The following TERF2 variants were observed in gnomAD, a reference collection of about 807,000 sequenced individuals.
TERF2 encodes telomeric repeat binding factor 2, also known as telomeric repeat-binding factor 2.
A neutral mutation model predicts 56.1 loss-of-function variants in TERF2; 16 were observed. The ratio of observed to expected loss-of-function variants is 0.29; its 90% CI spans 0.19 to 0.43. The LOEUF is 0.43. TERF2 is among the 20% of genes least tolerant of loss of function. The pLI is 1.00. For missense variants in TERF2, 547 were observed against 712.9 expected, an observed-to-expected ratio of 0.77 and a Z score of 2.65; for synonymous variants, 296 against 282.1, an observed-to-expected ratio of 1.05 and a Z score of -0.50.
At chr16:69,381,509 T>G (rs967133529) in intron 3 of TERF2, among the ~76,000 whole-genome samples, 2 of 151,888 alleles carry the variant, frequency 1.3e-5, no homozygotes, top group African/African-American at 4.8e-5. Flanking sequence ...TGACAGGGTC[T>G]TCACTCTGTC....
At chr16:69,378,666 G>A (rs1311598050) in intron 3 of TERF2, among the ~76,000 whole-genome samples, 2 of 152,082 alleles carry the variant, frequency 1.3e-5, no homozygotes, top group Non-Finnish European at 2.9e-5. Flanking sequence ...TCACTGGTTT[G>A]GTGGAACTTC....
chr16:69,382,741 T>C (rs2014049879), intron 3 of TERF2, among the ~76,000 whole-genome samples: 1 of 152,194 alleles, frequency 6.6e-6, no homozygotes, highest in South Asian at 2.1e-4. Flanking sequence ...AACAACTATG[T>C]GAGTAGGGAA....
intron 3 of TERF2, among the ~76,000 whole-genome samples, chr16:69,379,423 A>T (rs1286906675): frequency 6.6e-6 from 1 of 152,202 alleles, no homozygotes; most frequent in Non-Finnish European, 1.5e-5. Flanking sequence ...GCAACATATA[A>T]ATGCTTCAAG....
At chr16:69,361,328 A>G in intron 8 of TERF2, 76 bp downstream of exon 8, 1 of 1,034,192 alleles carries the variant, frequency 9.7e-7, no homozygotes, top group East Asian at 2.4e-5. Flanking sequence ...CAGCTTCTGG[A>G]ATATTAACAT....
intron 8 of TERF2, among the ~76,000 whole-genome samples, chr16:69,358,661 C>T (rs572242797): frequency 6.6e-5 from 10 of 152,268 alleles, no homozygotes; most frequent in Admixed American, 5.2e-4. Context: ...AGGCTCTAGC[C>T]TGCAACTTCT....
At chr16:69,360,550 A>C (rs565576565) in intron 8 of TERF2, among the ~76,000 whole-genome samples, 5 of 151,892 alleles carry the variant, frequency 3.3e-5, no homozygotes, top group Non-Finnish European at 7.4e-5. Context: ...CTAAAAATAC[A>C]AAAAAAGATT....
intron 5 of TERF2, chr16:69,370,251 G>C (rs576994298): frequency 4.0e-6 from 2 of 502,434 alleles, no homozygotes; most frequent in East Asian, 3.1e-5. Context: ...GGCAGGTCTC[G>C]AACTCCTGAC....
At chr16:69,378,754 C>G (rs1027024993) in intron 3 of TERF2, among the ~76,000 whole-genome samples, 1 of 152,128 alleles carries the variant, frequency 6.6e-6, no homozygotes, top group South Asian at 2.1e-4. Context: ...CTGTCCAAGA[C>G]TTATAATTAC....
chr16:69,382,525 G>C (rs1309105581), intron 3 of TERF2, among the ~76,000 whole-genome samples: 2 of 152,232 alleles, frequency 1.3e-5, no homozygotes, highest in African/African-American at 4.8e-5. Context: ...AGTCTAGTCT[G>C]TATGACCAAG....
rs78168341 is a variant in TERF2 at position 69,368,608 on chromosome 16, C to T, written c.841-126G>A. On this transcript the variant is annotated intron_variant, in intron 5 of 9. Transcript: ENST00000254942. ...TTACAAATCCAATCTAGGCATAAAA[C>T]GAAGGACATAAAATGGGAGAGAACT... 9.3e-4 allele frequency: 1,426 copies of T among 1,541,444 alleles called. 10 individuals carry two copies. In the African/African-American group the frequency reaches 0.017, roughly 19 times the overall value.
chr16:69,368,319 T>G lies in TERF2; in HGVS notation c.947+57A>C, dbSNP rs182157445. On this transcript the variant is annotated intron_variant, in intron 6 of 9. Coordinates refer to ENST00000254942, the MANE Select transcript of TERF2 (RefSeq NM_005652.5). ...ACTGATCCTGGCCTAAGGAGGAGACTGCTTCCAGCGACCACCCTAGTGTTT... is the reference window on the plus strand; with the variant it reads ...ACTGATCCTGGCCTAAGGAGGAGACGGCTTCCAGCGACCACCCTAGTGTTT... 2.6e-5 allele frequency: 40 copies of G among 1,542,674 alleles called. No individual in the cohort carries two copies. In the Middle Eastern group the frequency reaches 1.2e-3, roughly 44 times the overall value.
chr16:69,365,034 GCCAAC>G (rs2142722151), intron 7 of TERF2: 1 of 152,406 alleles, frequency 6.6e-6, no homozygotes, highest in Non-Finnish European at 1.5e-5. Context: ...GCCACAGCTT[GCCAAC>G]CCCTGCTGCT....
intron 2 of TERF2, among the ~76,000 whole-genome samples, chr16:69,385,134 T>C (rs996239302): frequency 3.3e-5 from 5 of 152,004 alleles, no homozygotes; most frequent in African/African-American, 1.2e-4. Flanking sequence ...TAACTCACTT[T>C]AGACAGGAGC....
At chr16:69,366,546 G>T in intron 7 of TERF2, 1 of 448,970 alleles carries the variant, frequency 2.2e-6, no homozygotes, top group Non-Finnish European at 3.9e-6. Flanking sequence ...AAAAATGAAA[G>T]CAGCGATGAG....
chr16:69,370,648 T>C lies in TERF2; in HGVS notation c.694-19A>G. 1 of 1,586,394 alleles carries C rather than the reference T, an allele frequency of 6.3e-7. No homozygotes were observed. Among genetic ancestry groups the C allele is most frequent in the Non-Finnish European group, 8.6e-7 (1 of 1,166,020 alleles). On this transcript the variant is annotated intron_variant, in intron 4 of 9. Transcript: ENST00000254942. ...TCAGCTTCTACACAATGGACCGATA[T>C]TTGCAACATGAGAAAGTAGAACTCC... is the stretch of plus-strand genomic sequence containing the variant.
In TERF2 at chr16:69,375,979, T is replaced by C. The variant is rs1283392446; in HGVS notation, c.607-3624A>G. ...CTAGATACCAGTTCTTTGTCAGGTG[T>C]GATTTGTAAATATTTTCTCCCAACC... is the stretch of plus-strand genomic sequence containing the variant. On this transcript the variant is annotated intron_variant, in intron 3 of 9. Transcript: ENST00000254942. Among the ~76,000 whole-genome samples, 4 of 152,336 alleles carry C rather than the reference T, an allele frequency of 2.6e-5. No homozygotes were observed. The East Asian group carries it at 7.7e-4, about 29-fold the overall frequency.
At chr16:69,358,865 T>C (rs1395031654) in intron 8 of TERF2, among the ~76,000 whole-genome samples, 1 of 152,246 alleles carries the variant, frequency 6.6e-6, no homozygotes, top group Non-Finnish European at 1.5e-5. Flanking sequence ...ATCTTACCGA[T>C]TACTATTAAC....
chr16:69,371,184 C>G (rs1403619839), intron 4 of TERF2, among the ~76,000 whole-genome samples: 1 of 151,962 alleles, frequency 6.6e-6, no homozygotes, highest in Admixed American at 6.6e-5. Flanking sequence ...CATGTATTAC[C>G]TTTTCAAATA....
chr16:69,381,512 ACT>A (rs1161691576), intron 3 of TERF2, among the ~76,000 whole-genome samples: 4 of 148,966 alleles, frequency 2.7e-5, no homozygotes, highest in African/African-American at 7.5e-5. Context: ...CAGGGTCTTC[ACT>A]CTGTCGTCCA....
Sources: allele counts gnomAD v4.1 joint callset (sites outside exome capture counted in the v4.1 genomes callset), GRCh38; gene constraint gnomAD v4.1.1; transcripts MANE v1.5; gene names NCBI Gene and HGNC (gene_info 2026-07-23, HGNC 2026-07-21).